Variants in RUNX2 observed in about 807,000 individuals in gnomAD.
RUNX2 encodes the protein RUNX family transcription factor 2.
Under a neutral mutation model 51.7 loss-of-function variants are expected in RUNX2, and 10 were observed. That is an observed-to-expected ratio of 0.19 (90% CI 0.12 to 0.33). The LOEUF is 0.33. RUNX2 is among the 10% of genes least tolerant of loss of function. The pLI is 1.00. For missense variants in RUNX2, 562 were observed against 691.3 expected, an observed-to-expected ratio of 0.81 and a Z score of 2.10; for synonymous variants, 276 against 273.6, an observed-to-expected ratio of 1.01 and a Z score of -0.09.
intron 2 of RUNX2, among the ~76,000 whole-genome samples, chr6:45,404,028 G>A (rs1370596282): frequency 6.6e-6 from 1 of 152,074 alleles, no homozygotes; most frequent in Non-Finnish European, 1.5e-5. Context: ...GGGAGGCCAA[G>A]GTGGGTGGAT....
At chr6:45,391,363 G>A (rs1797466241) in intron 2 of RUNX2, among the ~76,000 whole-genome samples, 2 of 152,158 alleles carry the variant, frequency 1.3e-5, no homozygotes, top group Admixed American at 6.5e-5. Context: ...CTCGCCCTGT[G>A]ATGAGCCTGC....
At chr6:45,392,162 G>A (rs1380407802) in intron 2 of RUNX2, among the ~76,000 whole-genome samples, 1 of 152,106 alleles carries the variant, frequency 6.6e-6, no homozygotes, top group Non-Finnish European at 1.5e-5. Flanking sequence ...AAATCTGCAC[G>A]CCAATTGAGG....
At chr6:45,514,038 G>A (rs368000592) in intron 7 of RUNX2, among the ~76,000 whole-genome samples, 3 of 152,154 alleles carry the variant, frequency 2.0e-5, no homozygotes, top group African/African-American at 7.2e-5. Context: ...ACTTGCTTCT[G>A]TTTGGGGTCC....
At chr6:45,375,894 A>C (rs1453183717) in intron 2 of RUNX2, among the ~76,000 whole-genome samples, 1 of 152,102 alleles carries the variant, frequency 6.6e-6, no homozygotes, top group Non-Finnish European at 1.5e-5. Context: ...ACCTAATTTC[A>C]CTTATCTCTC....
At chr6:45,404,274 AGAAAAAGAAAAAAGAAAAAAAAAAGG>A in intron 2 of RUNX2, among the ~76,000 whole-genome samples, 1 of 123,536 alleles carries the variant, frequency 8.1e-6, no homozygotes, top group African/African-American at 2.9e-5. Context: ...AAAAAAAAAA[AGAAAAAGAAAAAAGAAAAAAAAAAGG>A]AAAAAAAAGA....
Position 45,524,889 on chromosome 6 carries a change from G to A in RUNX2, c.1021+12482G>A, listed in dbSNP as rs556815996. ...GCACTTTGAGAGGCCGAGGTGGGTG[G>A]ATCACAAGGTCAAGAGATTGAGACC... On this transcript the variant is annotated intron_variant, in intron 7 of 8. Transcript: ENST00000647337. Among the ~76,000 whole-genome samples the A allele has an allele frequency of 2.4e-3, 364 of 152,290 alleles. 3 individuals are homozygous for A. The highest frequency in any genetic ancestry group is 3.4e-3 in the Middle Eastern group (1 of 294).
At chr6:45,512,762 G>C (rs62400365) in intron 7 of RUNX2, among the ~76,000 whole-genome samples, 27,683 of 151,554 alleles carry the variant, frequency 0.18, 2,773 homozygotes, top group African/African-American at 0.23. Flanking sequence ...CTTTCTTTTC[G>C]TAACATCTGC....
chr6:45,368,040 GAA>G (rs1329508980), intron 2 of RUNX2, among the ~76,000 whole-genome samples: 1 of 151,976 alleles, frequency 6.6e-6, no homozygotes, highest in Non-Finnish European at 1.5e-5. Flanking sequence ...CATTAAAAAA[GAA>G]AAGTCTGTTA....
intron 2 of RUNX2, among the ~76,000 whole-genome samples, chr6:45,380,451 A>G (rs553790987): frequency 1.3e-5 from 2 of 152,374 alleles, no homozygotes; most frequent in Non-Finnish European, 2.9e-5. Flanking sequence ...GAGAAAGTGC[A>G]TGTATCTAAG....
intron 2 of RUNX2, among the ~76,000 whole-genome samples, chr6:45,394,347 GATTAT>G (rs1467024779): frequency 6.6e-6 from 1 of 152,084 alleles, no homozygotes; most frequent in Non-Finnish European, 1.5e-5. Flanking sequence ...TAACACTGAG[GATTAT>G]ATTTCAACAT....
chr6:45,534,589 G>A (rs1244709644), intron 7 of RUNX2, among the ~76,000 whole-genome samples: 1 of 152,202 alleles, frequency 6.6e-6, no homozygotes, highest in Non-Finnish European at 1.5e-5. Context: ...GAACTGAGGA[G>A]AGCAAGAGAC....
chr6:45,397,104 A>AATAT (rs1797598016), intron 2 of RUNX2, among the ~76,000 whole-genome samples: 2 of 150,534 alleles, frequency 1.3e-5, no homozygotes, highest in Admixed American at 1.3e-4. Context: ...TTTATATTTA[A>AATAT]AACTTTTTTT....
At chr6:45,332,129 G>C (rs948202317) in intron 2 of RUNX2, among the ~76,000 whole-genome samples, 11 of 151,892 alleles carry the variant, frequency 7.2e-5, no homozygotes, top group Non-Finnish European at 1.6e-4. Flanking sequence ...CAAAATTCAT[G>C]TGCTTTCAAT....
rs1802450624 is a variant in RUNX2, at chr6:45,547,835, A to G, written c.*530A>G. On this transcript the variant is annotated 3_prime_UTR_variant, in exon 9 of 9. Coordinates refer to ENST00000647337, the MANE Select transcript of RUNX2 (RefSeq NM_001024630.4). ...TTCCATCACAGTACCATCATTCAGA[A>G]TAACTCTTCCAATTTCTGCTTTCAG... 1.8e-5 allele frequency: 3 copies of G among 163,638 alleles called. No individual in the cohort carries two copies. In the Middle Eastern group the frequency reaches 9.7e-3, roughly 531 times the overall value. The allele number at this position is 163,638 out of a possible 1,614,324, so 10.1% of individuals were successfully genotyped here. A position where few individuals can be genotyped will look rare whatever the true frequency, so the allele number is the denominator to read the frequency against.
intron 6 of RUNX2, among the ~76,000 whole-genome samples, 175 bp downstream of exon 6, chr6:45,492,289 A>T (rs923687028): frequency 6.6e-6 from 1 of 152,134 alleles, no homozygotes; most frequent in Admixed American, 6.5e-5. Context: ...ATAACATTCA[A>T]TAACTTGGGG....
intron 5 of RUNX2, among the ~76,000 whole-genome samples, chr6:45,438,869 G>A (rs944812105): frequency 1.3e-5 from 2 of 151,704 alleles, no homozygotes; most frequent in African/African-American, 4.8e-5. Flanking sequence ...ATTAACAATT[G>A]TGTGCCAATG....
chr6:45,475,223 G>A (rs2150396128), intron 5 of RUNX2, among the ~76,000 whole-genome samples: 1 of 152,136 alleles, frequency 6.6e-6, no homozygotes, highest in South Asian at 2.1e-4. Flanking sequence ...ACATGAGAAA[G>A]GGCATAAGAA....
At chr6:45,497,792 G>T (rs560437552) in intron 6 of RUNX2, among the ~76,000 whole-genome samples, 1 of 152,090 alleles carries the variant, frequency 6.6e-6, no homozygotes, top group African/African-American at 2.4e-5. Flanking sequence ...TGTCTTACAC[G>T]GTACCTGCTT....
intron 7 of RUNX2, among the ~76,000 whole-genome samples, chr6:45,515,860 G>A (rs567121892): frequency 6.6e-6 from 1 of 152,286 alleles, no homozygotes; most frequent in South Asian, 2.1e-4. Flanking sequence ...AACTAGGCAT[G>A]CTAATGCTGT....
Sources: allele counts gnomAD v4.1 joint callset (sites outside exome capture counted in the v4.1 genomes callset), GRCh38; gene constraint gnomAD v4.1.1; transcripts MANE v1.5; gene names NCBI Gene and HGNC (gene_info 2026-07-23, HGNC 2026-07-21).